Variants in FNIP1 observed in about 807,000 individuals in gnomAD.
FNIP1 encodes folliculin interacting protein 1.
FNIP1 carries 40 observed loss-of-function variants against 124.5 expected under a neutral mutation model. The ratio of observed to expected loss-of-function variants is 0.32; its 90% CI spans 0.25 to 0.42. FNIP1 has a LOEUF of 0.42. Ranked by LOEUF, FNIP1 falls within the 10% of genes least tolerant of loss-of-function variation. The probability of loss-of-function intolerance (pLI) is 1.00; values close to 1 mark genes in which losing one functional copy is unlikely to be tolerated. For synonymous variants in FNIP1, 472 were observed against 470.6 expected (o/e 1.00, Z -0.04); for missense variants, 1,176 against 1,403.7 (o/e 0.84, Z 2.59).
intron 11 of FNIP1, 21 bp downstream of exon 11, chr5:131,698,896 G>T: frequency 6.3e-7 from 1 of 1,579,888 alleles, no homozygotes; most frequent in Non-Finnish European, 8.6e-7. Flanking sequence ...ACTGCATTAT[G>T]GAAAGCTGGG....
At chr5:131,645,015 C>T (rs1766826135) in intron 17 of FNIP1, among the ~76,000 whole-genome samples, 1 of 152,138 alleles carries the variant, frequency 6.6e-6, no homozygotes, top group African/African-American at 2.4e-5. Flanking sequence ...CAATGACTAA[C>T]AACTGCAATC....
intron 1 of FNIP1, among the ~76,000 whole-genome samples, chr5:131,767,485 C>A (rs1310333240): frequency 4.1e-5 from 6 of 146,808 alleles, no homozygotes; most frequent in Non-Finnish European, 7.5e-5. Flanking sequence ...GCAGGTAGGA[C>A]CATCAGTGAC....
chr5:131,698,667 G>A (rs1235762151), intron 11 of FNIP1, among the ~76,000 whole-genome samples: 1 of 152,128 alleles, frequency 6.6e-6, no homozygotes, highest in African/African-American at 2.4e-5. Flanking sequence ...TAGAACAAGG[G>A]TCTTTCCTGG....
chr5:131,708,240 A>G (rs1002288632), intron 8 of FNIP1, among the ~76,000 whole-genome samples: 1 of 152,198 alleles, frequency 6.6e-6, no homozygotes, highest in Non-Finnish European at 1.5e-5. Flanking sequence ...TGTTATTCTA[A>G]TACATACCTA....
chr5:131,696,142 T>C (rs1309886502), intron 11 of FNIP1, among the ~76,000 whole-genome samples: 2 of 152,202 alleles, frequency 1.3e-5, no homozygotes, highest in African/African-American at 4.8e-5. Flanking sequence ...AATCATCAAA[T>C]TTTGTGTTTT....
intron 9 of FNIP1, 50 bp downstream of exon 9, chr5:131,706,349 CCATATAAAATTG>C (rs1769111136): frequency 1.4e-6 from 2 of 1,430,598 alleles, no homozygotes; most frequent in Non-Finnish European, 1.9e-6. Flanking sequence ...TCTAAAAAAC[CCATATAAAATTG>C]TGTTTAAGGA....
chr5:131,655,350 C>T (rs1170169420), intron 15 of FNIP1, among the ~76,000 whole-genome samples: 5 of 151,690 alleles, frequency 3.3e-5, no homozygotes, highest in Non-Finnish European at 7.4e-5. Context: ...TCAAAACAAA[C>T]AAACAAACAA....
chr5:131,732,740 T>C (rs1309169766), intron 2 of FNIP1, among the ~76,000 whole-genome samples: 1 of 152,200 alleles, frequency 6.6e-6, no homozygotes, highest in African/African-American at 2.4e-5. Context: ...AGCCTTATAG[T>C]ATAGTTTGAA....
At chr5:131,796,760 C>T in intron 1 of FNIP1, 70 bp downstream of exon 1, 1 of 1,420,500 alleles carries the variant, frequency 7.0e-7, no homozygotes. Context: ...ACACCGAAGG[C>T]CCCAACACCC....
At chr5:131,747,120 G>A (rs899498256) in intron 1 of FNIP1, among the ~76,000 whole-genome samples, 2 of 152,172 alleles carry the variant, frequency 1.3e-5, no homozygotes, top group Middle Eastern at 3.4e-3. Context: ...GTTTATTGGG[G>A]TTGTTTTTTG....
rs1426217643 is a variant in FNIP1 at position 131,671,982 on chromosome 5, A to G, written c.2462T>C (p.Leu821Pro). The change falls in exon 14 of 18, where the codon CTT (leucine) becomes CCT (proline). Residue 821 changes from leucine (L) to proline (P), a missense_variant. Physicochemically the swap from Leu to Pro is moderately conservative, Grantham distance 98 (BLOSUM62 -3). This residue lies in a region of FNIP1 where 1,109 missense variants were observed against 1,288.5 expected (regional missense o/e 0.86). Coordinates refer to ENST00000510461, the MANE Select transcript of FNIP1 (RefSeq NM_133372.3). ...QNMVSEEPCE[L>P]PCWNHSDPES... The stretch of plus-strand genomic sequence containing the variant: ...TGGGTCTGAATGATTCCAACAGGGA[A>G]GTTCACAGGGCTCTTCAGAAACCAT... The G allele has an allele frequency of 1.2e-6, 2 of 1,614,216 alleles. No individual in the cohort carries two copies. Among genetic ancestry groups the G allele is most frequent in the Middle Eastern group, 1.6e-4 (1 of 6,062 alleles).
At chr5:131,724,539 C>T (rs915263449) in intron 3 of FNIP1, among the ~76,000 whole-genome samples, 2 of 152,076 alleles carry the variant, frequency 1.3e-5, no homozygotes, top group Non-Finnish European at 2.9e-5. Flanking sequence ...TATCCTTCAC[C>T]TACTTTTTGA....
chr5:131,766,755 C>T (rs1771438774), intron 1 of FNIP1, among the ~76,000 whole-genome samples: 1 of 152,124 alleles, frequency 6.6e-6, no homozygotes, highest in Non-Finnish European at 1.5e-5. Context: ...GGCCTAAGAA[C>T]CTGGTGAGCC....
intron 9 of FNIP1, among the ~76,000 whole-genome samples, chr5:131,706,184 A>G (rs1243183279): frequency 6.6e-6 from 1 of 152,198 alleles, no homozygotes; most frequent in Non-Finnish European, 1.5e-5. Context: ...TTGCACAACA[A>G]TATGAAGGTA....
At chr5:131,652,558 G>T (rs898439125) in intron 15 of FNIP1, among the ~76,000 whole-genome samples, 5 of 151,966 alleles carry the variant, frequency 3.3e-5, no homozygotes, top group African/African-American at 1.2e-4. Flanking sequence ...TTTCACCATG[G>T]TCTCGATCTC....
intron 11 of FNIP1, among the ~76,000 whole-genome samples, chr5:131,684,559 T>C (rs1768204855): frequency 6.6e-6 from 1 of 152,190 alleles, no homozygotes; most frequent in Non-Finnish European, 1.5e-5. Context: ...CTTTTACAGA[T>C]TTTATAACTC....
At chr5:131,745,524 A>T (rs1770647881) in intron 1 of FNIP1, among the ~76,000 whole-genome samples, 2 of 152,236 alleles carry the variant, frequency 1.3e-5, no homozygotes, top group Admixed American at 1.3e-4. Context: ...TGTCTCAAAA[A>T]ATAAAAATAA....
intron 16 of FNIP1, among the ~76,000 whole-genome samples, chr5:131,649,572 T>C (rs1352482938): frequency 1.3e-5 from 2 of 152,194 alleles, no homozygotes; most frequent in South Asian, 4.1e-4. Flanking sequence ...TTGAGATATA[T>C]GATTTGCAAA....
At position 131,662,742 on chromosome 5, in the gene FNIP1, T is replaced by A. The variant is rs561268584; in HGVS notation, c.3108+7721A>T. Among the ~76,000 whole-genome samples the A allele has an allele frequency of 2.8e-3, 388 of 139,332 alleles. 5 individuals are homozygous for A. The highest frequency in any genetic ancestry group is 9.7e-3 in the African/African-American group (367 of 37,792). 91.4% of individuals were successfully genotyped at this position (139,332 alleles called of 152,430 possible). A position where few individuals can be genotyped will look rare whatever the true frequency, so the allele number is the denominator to read the frequency against. ...TTTGGAGATATTCTAGATTTTTTTTTTTTTTTTTTTTTTTTGAGATGGTGT... is the reference window on the plus strand; with the variant it reads ...TTTGGAGATATTCTAGATTTTTTTTATTTTTTTTTTTTTTTGAGATGGTGT... On this transcript the variant is annotated intron_variant, in intron 15 of 17. Coordinates refer to ENST00000510461, the MANE Select transcript of FNIP1 (RefSeq NM_133372.3).
Sources: gnomAD v4.1 joint callset for allele counts (sites outside exome capture counted in the v4.1 genomes callset) on GRCh38, gnomAD v4.1.1 for gene constraint, gnomAD v4.1.1 regional missense constraint, MANE v1.5 for transcripts, NCBI Gene and HGNC (gene_info 2026-07-23, HGNC 2026-07-21) for gene names.